Variants in CASD1 observed in about 807,000 individuals in gnomAD.
The protein encoded by CASD1 is N-acetylneuraminate (7)9-O-acetyltransferase.
A neutral mutation model predicts 100.0 loss-of-function variants in CASD1; 41 were observed. The ratio of observed to expected loss-of-function variants is 0.41; its 90% CI spans 0.32 to 0.53. The LOEUF (loss-of-function observed/expected upper bound fraction) is 0.53. CASD1 is among the 20% of genes least tolerant of loss of function. The probability of loss-of-function intolerance (pLI) is 0.25; values close to 1 mark genes in which losing one functional copy is unlikely to be tolerated. For missense variants in CASD1, 774 were observed against 948.7 expected, an observed-to-expected ratio of 0.82 and a Z score of 2.42; for synonymous variants, 321 against 315.6, an observed-to-expected ratio of 1.02 and a Z score of -0.18.
chr7:94,550,293 T>C (rs7789374), intron 14 of CASD1, among the ~76,000 whole-genome samples: 88,849 of 151,908 alleles, frequency 0.58, 26,087 homozygotes, highest in South Asian at 0.73. Context: ...TTTTTTCCAA[T>C]AAATGTTTTC....
At chr7:94,603,276 A>G in the CASD1 span, 16 of 1,606,322 alleles carry the variant, frequency 1.0e-5, no homozygotes, top group Non-Finnish European at 1.4e-5. Context: ...TGCAAAAACA[A>G]AATAAAAACT....
In CASD1 at chr7:94,538,964, C is replaced by T. The variant is rs1411688672; in HGVS notation, c.1267-3C>T. The T allele has an allele frequency of 3.9e-6, 6 of 1,555,790 alleles. No individual in the cohort carries two copies. The highest frequency in any genetic ancestry group is 2.3e-5 in the South Asian group (2 of 86,750). On this transcript the variant is annotated splice_region_variant and splice_polypyrimidine_tract_variant and intron_variant, in intron 9 of 17. Coordinates refer to ENST00000297273, the MANE Select transcript of CASD1 (RefSeq NM_022900.5). ...TAAAACAGATTTTGGTTCCTTTACA[C>T]AGACTAAAGTATTAAATAGAGAACA...
chr7:94,533,289 C>G, intron 6 of CASD1, 40 bp downstream of exon 6: 1 of 1,545,582 alleles, frequency 6.5e-7, no homozygotes, highest in Admixed American at 1.7e-5. Context: ...GATTTTGTTT[C>G]ACGTTTAAGA....
the CASD1 span, among the ~76,000 whole-genome samples, chr7:94,611,297 G>T: frequency 6.6e-6 from 1 of 152,062 alleles, no homozygotes; most frequent in Non-Finnish European, 1.5e-5. Context: ...CCATAAAATA[G>T]AATATTATTC....
At chr7:94,616,565 C>T in the CASD1 span, among the ~76,000 whole-genome samples, 16 of 152,022 alleles carry the variant, frequency 1.1e-4, no homozygotes, top group Middle Eastern at 6.8e-3. Flanking sequence ...AAAGAATATA[C>T]AAAGGCAGAA....
intron 3 of CASD1, 58 bp downstream of exon 3, chr7:94,518,381 T>A: frequency 7.0e-7 from 1 of 1,422,076 alleles, no homozygotes. Flanking sequence ...ACTGAATAGT[T>A]ACAGGAGGAG....
chr7:94,623,931 A>G, the CASD1 span: 1 of 369,612 alleles, frequency 2.7e-6, no homozygotes, highest in African/African-American at 2.1e-5. Context: ...AGTAAGGATC[A>G]TAGTCCATGA....
intron 8 of CASD1, 29 bp from the exon 9 acceptor site, chr7:94,537,443 A>G: frequency 6.4e-7 from 1 of 1,565,102 alleles, no homozygotes; most frequent in Admixed American, 1.9e-5. Context: ...CTGACAAGAT[A>G]ATAACCAAAT....
At chr7:94,578,459 TATAA>T in the CASD1 span, among the ~76,000 whole-genome samples, 1 of 152,206 alleles carries the variant, frequency 6.6e-6, no homozygotes, top group Non-Finnish European at 1.5e-5. Context: ...GCCTGTAGTA[TATAA>T]ATAATTGGTT....
chr7:94,587,993 A>G, the CASD1 span: 1 of 1,410,038 alleles, frequency 7.1e-7, no homozygotes, highest in Non-Finnish European at 9.2e-7. Flanking sequence ...TGCTTTTCCA[A>G]AAGAGCTACA....
intron 8 of CASD1, among the ~76,000 whole-genome samples, 181 bp from the exon 9 acceptor site, chr7:94,537,291 C>T (rs1287590097): frequency 6.6e-6 from 1 of 151,984 alleles, no homozygotes; most frequent in African/African-American, 2.4e-5. Flanking sequence ...TTTGAAACAC[C>T]CTGAACTAGC....
intron 1 of CASD1, among the ~76,000 whole-genome samples, chr7:94,511,043 A>G (rs913802337): frequency 1.3e-5 from 2 of 152,186 alleles, no homozygotes; most frequent in African/African-American, 2.4e-5. Flanking sequence ...TTGAGAATGA[A>G]TTATCTTTCA....
At chr7:94,526,311 A>G (rs1284777083) in intron 3 of CASD1, among the ~76,000 whole-genome samples, 1 of 152,242 alleles carries the variant, frequency 6.6e-6, no homozygotes, top group Non-Finnish European at 1.5e-5. Context: ...ACCTTGGAAC[A>G]TTGAGCTTCC....
chr7:94,593,019 C>G, the CASD1 span, among the ~76,000 whole-genome samples: 1 of 151,964 alleles, frequency 6.6e-6, no homozygotes, highest in Non-Finnish European at 1.5e-5. Flanking sequence ...AATCTTAGTC[C>G]CCTGAAACAC....
At chr7:94,618,443 G>A in the CASD1 span, 24 of 253,108 alleles carry the variant, frequency 9.5e-5, no homozygotes, top group East Asian at 6.7e-4. Flanking sequence ...TAACTGGGGC[G>A]TCAATTTCCT....
chr7:94,606,349 A>T, the CASD1 span, among the ~76,000 whole-genome samples: 1 of 152,220 alleles, frequency 6.6e-6, no homozygotes, highest in South Asian at 2.1e-4. Flanking sequence ...GACAGAGCCA[A>T]CCTCACAGCA....
chr7:94,571,829 G>A, the CASD1 span, among the ~76,000 whole-genome samples: 5 of 151,336 alleles, frequency 3.3e-5, no homozygotes, highest in Admixed American at 1.3e-4. Context: ...GGCACAAAAA[G>A]ATGGTCAAGT....
intron 3 of CASD1, among the ~76,000 whole-genome samples, chr7:94,519,809 T>C (rs981871249): frequency 1.3e-5 from 2 of 152,234 alleles, no homozygotes; most frequent in African/African-American, 4.8e-5. Context: ...GCCCAGCCTT[T>C]AGTAAACTTT....
chr7:94,614,569 CT>C, the CASD1 span, among the ~76,000 whole-genome samples: 8 of 152,268 alleles, frequency 5.3e-5, no homozygotes, highest in Admixed American at 2.0e-4. Context: ...CGCCCAAGCC[CT>C]TTCCCCTGCA....
Sources: gnomAD v4.1 joint callset for allele counts (sites outside exome capture counted in the v4.1 genomes callset) on GRCh38, gnomAD v4.1.1 for gene constraint, MANE v1.5 for transcripts, NCBI Gene and HGNC (gene_info 2026-07-23, HGNC 2026-07-21) for gene names.